PRDM1: variants seen among roughly 807,000 people sequenced by gnomAD.
The protein encoded by PRDM1 is PR/SET domain 1.
PRDM1 carries 13 observed loss-of-function variants against 62.8 expected under a neutral mutation model. The ratio of observed to expected loss-of-function variants is 0.21; its 90% CI spans 0.13 to 0.33. PRDM1 has a LOEUF of 0.33. Ranked by LOEUF, PRDM1 falls within the 10% of genes least tolerant of loss-of-function variation. PRDM1 has a pLI of 1.00. For missense variants in PRDM1, 895 were observed against 1,058.8 expected (o/e 0.85, Z 2.15); for synonymous variants, 396 against 417.6 (o/e 0.95, Z 0.63).
chr6:106,099,060 G>A (rs751009580), intron 3 of PRDM1: 16 of 1,613,796 alleles, frequency 9.9e-6, no homozygotes, highest in South Asian at 4.4e-5. Context: ...TTATTTTCCC[G>A]AACATGAAAA....
chr6:106,014,922 G>A (rs1772601929), intron 1 of PRDM1, among the ~76,000 whole-genome samples: 1 of 152,152 alleles, frequency 6.6e-6, no homozygotes, highest in South Asian at 2.1e-4. Flanking sequence ...TGAGATGGGG[G>A]TGAGGAGAGA....
At chr6:105,998,383 C>A (rs1772375853) in intron 1 of PRDM1, among the ~76,000 whole-genome samples, 1 of 151,784 alleles carries the variant, frequency 6.6e-6, no homozygotes, top group Non-Finnish European at 1.5e-5. Flanking sequence ...GAGACCCCAT[C>A]TCCTAAAAAA....
At chr6:106,018,241 G>C (rs1772649046) in intron 1 of PRDM1, among the ~76,000 whole-genome samples, 2 of 152,112 alleles carry the variant, frequency 1.3e-5, no homozygotes, top group African/African-American at 4.8e-5. Context: ...GGAACGTATA[G>C]TTATTAAAGT....
At chr6:106,062,343 C>T (rs1376049707) in intron 1 of PRDM1, among the ~76,000 whole-genome samples, 3 of 152,084 alleles carry the variant, frequency 2.0e-5, no homozygotes, top group Non-Finnish European at 4.4e-5. Context: ...TTTTTCTTCT[C>T]ATAGGGAAAG....
intron 1 of PRDM1, among the ~76,000 whole-genome samples, chr6:106,029,326 A>G (rs1173903029): frequency 4.6e-5 from 7 of 152,210 alleles, no homozygotes; most frequent in African/African-American, 7.2e-5. Context: ...ACATAAGGTC[A>G]ATTTTAATTA....
intron 2 of PRDM1, among the ~76,000 whole-genome samples, chr6:106,094,376 T>C (rs1487541758): frequency 6.6e-6 from 1 of 152,246 alleles, no homozygotes; most frequent in Non-Finnish European, 1.5e-5. Context: ...CAAACTGTTG[T>C]AAAGGACTAC....
chr6:106,008,426 T>A (rs989018840), intron 1 of PRDM1, among the ~76,000 whole-genome samples: 1 of 150,742 alleles, frequency 6.6e-6, no homozygotes, highest in African/African-American at 2.5e-5. Flanking sequence ...TGTGGAAATC[T>A]TCTCCATGTG....
At chr6:106,067,409 T>C (rs993875447) in intron 1 of PRDM1, among the ~76,000 whole-genome samples, 1 of 152,162 alleles carries the variant, frequency 6.6e-6, no homozygotes, top group African/African-American at 2.4e-5. Context: ...CTACTAGATA[T>C]ACACCCAAAA....
At chr6:106,041,965 G>A (rs966158755) in intron 1 of PRDM1, among the ~76,000 whole-genome samples, 3 of 151,238 alleles carry the variant, frequency 2.0e-5, no homozygotes, top group African/African-American at 7.3e-5. Context: ...ATGCCACCGT[G>A]TGTGGCTAAT....
At chr6:106,057,110 G>A (rs62420734) in intron 1 of PRDM1, among the ~76,000 whole-genome samples, 6,557 of 152,202 alleles carry the variant, frequency 0.043, 165 homozygotes, top group Non-Finnish European at 0.059. Flanking sequence ...TTAATTAGAA[G>A]GGACTTTCAC....
upstream of PRDM1, chr6:106,045,321 C>T (rs1008342782): frequency 6.6e-6 from 1 of 151,860 alleles, no homozygotes; most frequent in Non-Finnish European, 1.5e-5. Context: ...CAAGTCCACA[C>T]TTTTACTGCT....
rs781457352 is a variant in PRDM1 at position 106,088,483 on chromosome 6, G to A, written c.291+34G>A. On this transcript the variant is annotated intron_variant, in intron 2 of 6. Coordinates refer to ENST00000369096, the MANE Select transcript of PRDM1 (RefSeq NM_001198.4). Reference sequence around the variant, plus strand: ...CTGGTTTATTGACAAGAAGATTGGGGACCTGGTGCCAAATCTCCCTACTTG... The same window carrying A: ...CTGGTTTATTGACAAGAAGATTGGGAACCTGGTGCCAAATCTCCCTACTTG... 4 of 1,612,516 alleles carry A rather than the reference G, an allele frequency of 2.5e-6. No individual in the cohort carries two copies. The African/African-American group carries it at 5.3e-5, about 22-fold the overall frequency.
chr6:105,993,944 A>G (rs1772315919), intron 1 of PRDM1, among the ~76,000 whole-genome samples: 1 of 152,254 alleles, frequency 6.6e-6, no homozygotes, highest in African/African-American at 2.4e-5. Flanking sequence ...GGGTAAATGA[A>G]TTGCAGAGTC....
At chr6:106,003,267 C>G (rs1444354034) in intron 1 of PRDM1, among the ~76,000 whole-genome samples, 3 of 152,204 alleles carry the variant, frequency 2.0e-5, no homozygotes, top group Admixed American at 2.0e-4. Flanking sequence ...AAACACAAAT[C>G]AGGATCTTCC....
chr6:106,013,406 C>A (rs1455943896), intron 1 of PRDM1, among the ~76,000 whole-genome samples: 1 of 150,764 alleles, frequency 6.6e-6, no homozygotes, highest in Non-Finnish European at 1.5e-5. Context: ...CAGCTCACTG[C>A]AACCTCCACC....
intron 1 of PRDM1, among the ~76,000 whole-genome samples, chr6:106,033,071 G>GTT (rs11309393): frequency 9.4e-4 from 140 of 149,616 alleles, no homozygotes; most frequent in African/African-American, 3.3e-3. Context: ...AACATGGGTA[G>GTT]TTTTTTTTTT....
In PRDM1 at chr6:106,105,282, C is replaced by T. The variant is rs1774430144; in HGVS notation, c.1122C>T (p.Tyr374=). ...GCTCTCAAGAGCACCGGGACTCCTACGCTTACTTGAACGCGTCCTACGGCA... is the reference window on the plus strand; with the variant it reads ...GCTCTCAAGAGCACCGGGACTCCTATGCTTACTTGAACGCGTCCTACGGCA... ...GPGSQEHRDS[Y]AYLNASYGTE... Residue 374 remains tyrosine (Y), a synonymous_variant, in exon 5 of 7, where the codon TAC becomes TAT. Coordinates refer to ENST00000369096, the MANE Select transcript of PRDM1 (RefSeq NM_001198.4). 2 of 1,613,802 alleles carry T rather than the reference C, an allele frequency of 1.2e-6. No individual in the cohort carries two copies. Among genetic ancestry groups the T allele is most frequent in the Non-Finnish European group, 1.7e-6 (2 of 1,179,922 alleles).
chr6:106,002,445 G>A (rs569164037), intron 1 of PRDM1, among the ~76,000 whole-genome samples: 22 of 152,150 alleles, frequency 1.4e-4, no homozygotes, highest in African/African-American at 4.8e-4. Flanking sequence ...TTTGGGGAGC[G>A]ATTAAAAGGA....
At chr6:106,046,078 C>A, upstream of PRDM1, 1 of 151,828 alleles carries the variant, frequency 6.6e-6, no homozygotes, top group Admixed American at 6.6e-5. Flanking sequence ...AGCAGAGCTG[C>A]TTTAGAGAAG....
Sources: gnomAD v4.1 joint callset for allele counts (sites outside exome capture counted in the v4.1 genomes callset) on GRCh38, gnomAD v4.1.1 for gene constraint, MANE v1.5 for transcripts, NCBI Gene and HGNC (gene_info 2026-07-23, HGNC 2026-07-21) for gene names.